Variants in SELENON observed in about 807,000 individuals in gnomAD.
SELENON encodes the protein selenoprotein N, 1.
In SELENON, 44 loss-of-function variants were observed where a neutral mutation model predicts 59.5. The ratio of observed to expected loss-of-function variants is 0.74; its 90% CI spans 0.58 to 0.95. The LOEUF is 0.95. SELENON is among the 40% of genes least tolerant of loss of function. The probability of loss-of-function intolerance (pLI) is 0.00; values close to 1 mark genes in which losing one functional copy is unlikely to be tolerated. For synonymous variants in SELENON, 320 were observed against 305.6 expected (o/e 1.05, Z -0.49); for missense variants, 674 against 721.4 (o/e 0.93, Z 0.75).
intron 7 of SELENON, among the ~76,000 whole-genome samples, chr1:25,810,917 G>A (rs1467138135): frequency 6.6e-6 from 1 of 152,218 alleles, no homozygotes; most frequent in Admixed American, 6.5e-5. Context: ...GCTCATGTCT[G>A]AGGACCAGGC....
rs189891424 is a variant in SELENON at position 25,812,034 on chromosome 1, C to T, written c.1281+155C>T. 9.0e-4 allele frequency among the ~76,000 whole-genome samples: 137 copies of T among 152,318 alleles called. No homozygotes were observed. The Middle Eastern group carries it at 0.014, about 15-fold the overall frequency. On this transcript the variant is annotated intron_variant, in intron 9 of 12. Transcript: ENST00000361547. Reference sequence around the variant, plus strand: ...CCCAGCTGTGCCAGCGGGGCCTCCCCGCTGCCATTCAGAACTTGGAGGAAG... The same window carrying T: ...CCCAGCTGTGCCAGCGGGGCCTCCCTGCTGCCATTCAGAACTTGGAGGAAG...
Position 25,812,799 on chromosome 1 carries a change from G to A in SELENON, c.1387+7G>A, listed in dbSNP as rs775594958. 3 of 1,604,636 alleles carry A rather than the reference G, an allele frequency of 1.9e-6. No individual in the cohort carries two copies. The highest frequency in any genetic ancestry group is 1.7e-6 in the Non-Finnish European group (2 of 1,173,162). Reference sequence around the variant, plus strand: ...GATGACCAGTCCTGCTGAGGTGAGGGGCCCGGCTGGATCTAAGGGGAGCAG... The same window carrying A: ...GATGACCAGTCCTGCTGAGGTGAGGAGCCCGGCTGGATCTAAGGGGAGCAG... On this transcript the variant is annotated splice_region_variant and intron_variant, in intron 10 of 12. Coordinates refer to ENST00000361547, the MANE Select transcript of SELENON (RefSeq NM_020451.3).
At chr1:25,805,036 C>G (rs762564097) in intron 3 of SELENON, 106 bp from the exon 3 acceptor site, 2 of 1,488,950 alleles carry the variant, frequency 1.3e-6, no homozygotes, top group Non-Finnish European at 1.9e-6. Flanking sequence ...CCCAGCTACC[C>G]CCACCCCCTG....
Position 25,812,713 on chromosome 1 carries a change from C to T in SELENON, c.1308C>T (p.Ala436=). The T allele has an allele frequency of 1.2e-6, 2 of 1,612,714 alleles. No individual in the cohort carries two copies. Among genetic ancestry groups the T allele is most frequent in the Non-Finnish European group, 1.7e-6 (2 of 1,179,758 alleles). ...TCTCCTACTTGCCGTTCACTGAGGC[C>T]TTCGACCGAGCCAAGGCTGAGAACA... Residue 436 remains alanine, a synonymous_variant, in exon 10 of 13, where the codon GCC becomes GCT. Coordinates refer to ENST00000361547, the MANE Select transcript of SELENON (RefSeq NM_020451.3).
At chr1:25,800,964 A>T in intron 1 of SELENON, 79 bp from the exon 2 acceptor site, 1 of 1,112,504 alleles carries the variant, frequency 9.0e-7, no homozygotes, top group Non-Finnish European at 1.4e-6. Flanking sequence ...AAGGGGCTCC[A>T]TGCGGAAGCA....
chr1:25,810,760 A>G (rs906734181), intron 7 of SELENON, among the ~76,000 whole-genome samples: 4 of 152,158 alleles, frequency 2.6e-5, no homozygotes, highest in Admixed American at 6.5e-5. Flanking sequence ...GTCAAAGGGA[A>G]AAGGAAGAGG....
chr1:25,801,114 G>A lies in SELENON; in HGVS notation c.255G>A (p.Met85Ile). 3 of 1,614,200 alleles carry A rather than the reference G, an allele frequency of 1.9e-6. No homozygotes were observed. The Admixed American group carries it at 5.0e-5, about 27-fold the overall frequency. ...CCTCCTTGGACACTGACGGGGATAT[G>A]TACATCAGCCCTGAGGAGTTCAAAC... Residue 85 changes from methionine to isoleucine, a missense_variant, in exon 2 of 13, where the codon ATG becomes ATA. By Grantham distance (10) the Met-to-Ile change is conservative. Coordinates refer to ENST00000361547, the MANE Select transcript of SELENON (RefSeq NM_020451.3).
At chr1:25,805,069 T>C in intron 3 of SELENON, 73 bp from the exon 3 acceptor site, 2 of 1,596,540 alleles carry the variant, frequency 1.3e-6, no homozygotes, top group South Asian at 2.2e-5. Flanking sequence ...AATCACCAGC[T>C]AGTGTGGATG....
At chr1:25,801,192 G>C in intron 2 of SELENON, 32 bp downstream of exon 2, 2 of 1,565,526 alleles carry the variant, frequency 1.3e-6, no homozygotes, top group Non-Finnish European at 1.8e-6. Context: ...TGGGGAGGAG[G>C]GCGCCTTGGC....
At chr1:25,809,653 C>T (rs775928360) in intron 6 of SELENON, 30 bp from the exon 6 acceptor site, 11 of 1,612,278 alleles carry the variant, frequency 6.8e-6, no homozygotes, top group Admixed American at 3.3e-5. Flanking sequence ...AGGTGGGCAG[C>T]TCTGGTGCAG....
At position 25,805,100 on chromosome 1, in the gene SELENON, G is replaced by C. The variant is rs1046038606; in HGVS notation, c.404-42G>C. On this transcript the variant is annotated intron_variant, in intron 3 of 12. Coordinates refer to ENST00000361547, the MANE Select transcript of SELENON (RefSeq NM_020451.3). ...GGATGATGAGGGAGAGGTGAGCCCT[G>C]TAGCATAAGGGCAGTGCCTCTCCGA... is the stretch of plus-strand genomic sequence containing the variant. 2.5e-6 allele frequency: 4 copies of C among 1,610,828 alleles called. No individual in the cohort carries two copies. In the African/African-American group the frequency reaches 5.3e-5, roughly 22 times the overall value.
At chr1:25,813,355 G>A (rs1018147248) in intron 10 of SELENON, among the ~76,000 whole-genome samples, 1 of 152,188 alleles carries the variant, frequency 6.6e-6, no homozygotes, top group African/African-American at 2.4e-5. Context: ...CAGTGAGGAA[G>A]GCAGAAGGGG....
rs758853793 is a variant in SELENON at position 25,814,017 on chromosome 1, A to G, written c.1500+24A>G. The G allele has an allele frequency of 6.2e-6, 10 of 1,612,416 alleles. No individual in the cohort carries two copies. The South Asian group carries it at 8.8e-5, about 14-fold the overall frequency. ...AGGTGAGCGGGCAGGTGGCAGGAAC[A>G]GGAGCGTCCGGAACAGTGGTGGGGG... is the stretch of plus-strand genomic sequence containing the variant. On this transcript the variant is annotated intron_variant, in intron 11 of 12. Transcript: ENST00000361547.
intron 4 of SELENON, 98 bp downstream of exon 3, chr1:25,805,373 A>G (rs2047898316): frequency 6.5e-7 from 1 of 1,545,680 alleles, no homozygotes; most frequent in East Asian, 2.3e-5. Flanking sequence ...CTGTGTGCCC[A>G]CTAGAGCCAG....
intron 1 of SELENON, among the ~76,000 whole-genome samples, 200 bp from the exon 2 acceptor site, chr1:25,800,839 CCAGA>C (rs2047854643): frequency 6.6e-6 from 1 of 151,984 alleles, no homozygotes. Flanking sequence ...GGCAGTCGGA[CCAGA>C]CAGTGGATGA....
At chr1:25,808,449 C>A (rs750125674) in intron 4 of SELENON, 131 bp from the exon 4 acceptor site, 1 of 1,018,726 alleles carries the variant, frequency 9.8e-7, no homozygotes, top group Non-Finnish European at 1.5e-6. Context: ...AGGGCAGGAA[C>A]CTCCCTGGGG....
Position 25,802,028 on chromosome 1 carries a change from T to C in SELENON, c.314T>C (p.Val105Ala). Residue 105 changes from valine to alanine, a missense_variant, in exon 3 of 13, where the codon GTC (valine) becomes GCC (alanine). Val to Ala is a moderately conservative substitution (Grantham distance 64, BLOSUM62 0). Transcript: ENST00000361547. The stretch of plus-strand genomic sequence containing the variant: ...TTTTTTGAGACAGGGTCTTGTTCTG[T>C]CACCCAGACTGGAGTGCAGTGGTGC... 1 of 253,928 alleles carries C rather than the reference T, an allele frequency of 3.9e-6. No homozygotes were observed. The highest frequency in any genetic ancestry group is 8.1e-6 in the Non-Finnish European group (1 of 122,772). 15.7% of individuals were successfully genotyped at this position (253,928 alleles called of 1,614,324 possible).
intron 7 of SELENON, among the ~76,000 whole-genome samples, chr1:25,810,937 T>C (rs1191798965): frequency 6.6e-6 from 1 of 152,134 alleles, no homozygotes; most frequent in Non-Finnish European, 1.5e-5. Context: ...CACCAGGGAC[T>C]GCTGACCCCC....
chr1:25,802,252 A>G (rs1309073193), intron 3 of SELENON: 1 of 160,536 alleles, frequency 6.2e-6, no homozygotes, highest in African/African-American at 2.4e-5. Flanking sequence ...GGCCTCCCAA[A>G]GTGCTGGAAT....
Sources: gnomAD v4.1 joint callset for allele counts (sites outside exome capture counted in the v4.1 genomes callset) on GRCh38, gnomAD v4.1.1 for gene constraint, MANE v1.5 for transcripts, NCBI Gene and HGNC (gene_info 2026-07-23, HGNC 2026-07-21) for gene names.